The following DIP2C variants were observed in gnomAD, a reference collection of about 807,000 sequenced individuals.
The protein encoded by DIP2C is disco-interacting protein 2 homolog C.
In DIP2C, 33 loss-of-function variants were observed where a neutral mutation model predicts 192.4. That is an observed-to-expected ratio of 0.17 (90% confidence interval 0.13 to 0.23). The LOEUF is 0.23. DIP2C is among the 10% of genes least tolerant of loss of function. The pLI, the probability that DIP2C is intolerant of heterozygous loss-of-function variation, is 1.00. For synonymous variants in DIP2C, 979 were observed against 864.1 expected (o/e 1.13, Z -2.33); for missense variants, 1,537 against 2,110.1 (o/e 0.73, Z 5.32).
At chr10:551,144 C>T (rs558730011) in intron 1 of DIP2C, among the ~76,000 whole-genome samples, 1 of 152,324 alleles carries the variant, frequency 6.6e-6, no homozygotes, top group South Asian at 2.1e-4. Context: ...GTAGAGGCAG[C>T]CTCTGAGCTC....
At chr10:401,774 T>G (rs1166455852) in intron 9 of DIP2C, among the ~76,000 whole-genome samples, 1 of 150,830 alleles carries the variant, frequency 6.6e-6, no homozygotes, top group Non-Finnish European at 1.5e-5. Flanking sequence ...AGCATTACTC[T>G]TCCTTATGGA....
At chr10:648,629 G>A (rs1855641490) in intron 1 of DIP2C, among the ~76,000 whole-genome samples, 2 of 149,936 alleles carry the variant, frequency 1.3e-5, no homozygotes, top group Non-Finnish European at 3.0e-5. Context: ...GAGAACAGAG[G>A]GAAACTGAGT....
At chr10:671,006 T>A (rs1209779740) in intron 1 of DIP2C, among the ~76,000 whole-genome samples, 1 of 152,194 alleles carries the variant, frequency 6.6e-6, no homozygotes, top group Non-Finnish European at 1.5e-5. Flanking sequence ...ATGAGGTGCC[T>A]CCAGGAGAGG....
chr10:373,232 G>A (rs1961202014), intron 17 of DIP2C, among the ~76,000 whole-genome samples: 1 of 152,106 alleles, frequency 6.6e-6, no homozygotes, highest in African/African-American at 2.4e-5. Flanking sequence ...AAACTTAGAA[G>A]CAAACAGCAC....
At chr10:618,953 C>G (rs575198612) in intron 1 of DIP2C, among the ~76,000 whole-genome samples, 14 of 152,270 alleles carry the variant, frequency 9.2e-5, no homozygotes, top group Non-Finnish European at 1.8e-4. Context: ...AAAATACTTC[C>G]AATTCTTCTT....
rs1192267920 is a variant in DIP2C, at chr10:363,673, C to T, written c.2478-362G>A. Among the ~76,000 whole-genome samples, 1 of 152,206 alleles carries T rather than the reference C, an allele frequency of 6.6e-6. No individual in the cohort carries two copies. Among genetic ancestry groups the T allele is most frequent in the Non-Finnish European group, 1.5e-5 (1 of 68,052 alleles). ...CTCGAGTTTGCACCCGTGAAGTTAACGGTCTCCAAATCAGTAGAAATTTGC... is the reference window on the plus strand; with the variant it reads ...CTCGAGTTTGCACCCGTGAAGTTAATGGTCTCCAAATCAGTAGAAATTTGC... On this transcript the variant is annotated intron_variant, in intron 20 of 36. Coordinates refer to ENST00000280886, the MANE Select transcript of DIP2C (RefSeq NM_014974.3). This position sits in a 1 kb window ranked among gnomAD's most constrained non-coding sequence, Gnocchi z 5.4.
intron 24 of DIP2C, chr10:356,210 A>C (rs780778219): frequency 2.4e-5 from 15 of 618,394 alleles, no homozygotes; most frequent in Non-Finnish European, 4.0e-5. Flanking sequence ...GGTTGCTAAA[A>C]TATCTGTACA....
At chr10:290,288 T>A (rs1330501270) in intron 32 of DIP2C, among the ~76,000 whole-genome samples, 1 of 152,254 alleles carries the variant, frequency 6.6e-6, no homozygotes, top group African/African-American at 2.4e-5. Flanking sequence ...CCGATAGGCT[T>A]GATGACGCTA....
At chr10:348,512 C>T in intron 26 of DIP2C, 129 bp downstream of exon 26, 8 of 1,441,000 alleles carry the variant, frequency 5.6e-6, no homozygotes, top group Admixed American at 2.2e-5. Context: ...CTGTCCTGAC[C>T]GTTTGACTCC....
At chr10:563,831 G>A (rs1206828873) in intron 1 of DIP2C, among the ~76,000 whole-genome samples, 1 of 152,154 alleles carries the variant, frequency 6.6e-6, no homozygotes, top group African/African-American at 2.4e-5. Context: ...TCAGACTACT[G>A]GGCTATACCA....
At chr10:618,530 A>G (rs368210967) in intron 1 of DIP2C, among the ~76,000 whole-genome samples, 6 of 152,234 alleles carry the variant, frequency 3.9e-5, no homozygotes, top group African/African-American at 1.4e-4. Flanking sequence ...AATACCACAC[A>G]GCGTCCACGC....
At chr10:419,579 A>C (rs969675007) in intron 5 of DIP2C, among the ~76,000 whole-genome samples, 1 of 152,066 alleles carries the variant, frequency 6.6e-6, no homozygotes, top group Non-Finnish European at 1.5e-5. Flanking sequence ...GGAATTGGAA[A>C]CCCGGCTCTG....
chr10:487,240 C>T (rs1326966979), intron 1 of DIP2C, among the ~76,000 whole-genome samples: 1 of 152,216 alleles, frequency 6.6e-6, no homozygotes, highest in Non-Finnish European at 1.5e-5. Context: ...ACACAGAATA[C>T]TCATTCGCTG....
chr10:502,865 C>A (rs1845336251), intron 1 of DIP2C, among the ~76,000 whole-genome samples: 1 of 152,122 alleles, frequency 6.6e-6, no homozygotes, highest in South Asian at 2.1e-4. Context: ...GAAGCGGCAA[C>A]ACAGTCAAGA....
chr10:530,748 G>A (rs1847318262), intron 1 of DIP2C, among the ~76,000 whole-genome samples: 1 of 151,754 alleles, frequency 6.6e-6, no homozygotes, highest in East Asian at 1.9e-4. Context: ...ACCCCCTGCT[G>A]TCAGACGAGA....
At chr10:581,190 T>TA (rs76237650) in intron 1 of DIP2C, among the ~76,000 whole-genome samples, 5,251 of 152,254 alleles carry the variant, frequency 0.034, 174 homozygotes, top group African/African-American at 0.085. Context: ...CGCTTTCTGA[T>TA]ACTTACTCTA....
chr10:482,908 T>C (rs1177148591), intron 2 of DIP2C, among the ~76,000 whole-genome samples: 1 of 152,212 alleles, frequency 6.6e-6, no homozygotes, highest in Non-Finnish European at 1.5e-5. Context: ...GCAGCTTCCC[T>C]AAGCAGCGTC....
At chr10:366,857 C>T (rs765880931) in intron 18 of DIP2C, among the ~76,000 whole-genome samples, 3 of 152,164 alleles carry the variant, frequency 2.0e-5, no homozygotes, top group Admixed American at 2.0e-4. Context: ...TCCGAGAACA[C>T]CACTGGAGCG....
At chr10:460,655 T>TC (rs1969695825) in intron 3 of DIP2C, among the ~76,000 whole-genome samples, 1 of 151,946 alleles carries the variant, frequency 6.6e-6, no homozygotes, top group Admixed American at 6.6e-5. Flanking sequence ...CAGGAGAACT[T>TC]CCCCAACCAA....
Sources: gnomAD v4.1 joint callset for allele counts (sites outside exome capture counted in the v4.1 genomes callset) on GRCh38, gnomAD v4.1.1 for gene constraint, Gnocchi (gnomAD v3.1) non-coding constraint, MANE v1.5 for transcripts, NCBI Gene and HGNC (gene_info 2026-07-23, HGNC 2026-07-21) for gene names.